The following ANK3 variants were observed in gnomAD, a reference collection of about 807,000 sequenced individuals.
The protein encoded by ANK3 is ankyrin-3.
Under a neutral mutation model 370.9 loss-of-function variants are expected in ANK3, and 57 were observed. That is an observed-to-expected ratio of 0.15 (90% CI 0.12 to 0.19). The LOEUF (loss-of-function observed/expected upper bound fraction) is 0.19, where lower values mean the gene tolerates loss of function less well. Ranked by LOEUF, ANK3 falls within the 10% of genes least tolerant of loss-of-function variation. The probability of loss-of-function intolerance (pLI) is 1.00; values close to 1 mark genes in which losing one functional copy is unlikely to be tolerated. For synonymous variants in ANK3, 1,929 were observed against 1,946.3 expected, an observed-to-expected ratio of 0.99 and a Z score of 0.23; for missense variants, 4,439 against 5,302.1, an observed-to-expected ratio of 0.84 and a Z score of 5.06.
Position 60,329,928 on chromosome 10 carries a change from C to T in ANK3, c.115-50289G>A, listed in dbSNP as rs562720291. 9.2e-5 allele frequency among the ~76,000 whole-genome samples: 14 copies of T among 152,168 alleles called. No individual in the cohort carries two copies. The South Asian group carries it at 2.9e-3, about 32-fold the overall frequency. ...AACCAAAACAGCATGGTACTGGTAC[C>T]AAGACAGATATATAGACCAATGAAA... is the stretch of plus-strand genomic sequence containing the variant. On this transcript the variant is annotated intron_variant, in intron 1 of 43. Transcript: ENST00000280772.
chr10:60,077,697 G>T (rs2084148346), intron 36 of ANK3, among the ~76,000 whole-genome samples: 1 of 152,034 alleles, frequency 6.6e-6, no homozygotes, highest in Admixed American at 6.6e-5. Context: ...GCTATCATGG[G>T]GGACATCTAA....
intron 2 of ANK3, among the ~76,000 whole-genome samples, chr10:60,402,770 C>G (rs2063377958): frequency 6.6e-6 from 1 of 152,142 alleles, no homozygotes; most frequent in African/African-American, 2.4e-5. Flanking sequence ...CAGACAACAG[C>G]CAGCCAAGCC....
chr10:60,423,369 A>T (rs2132956950), intron 2 of ANK3, among the ~76,000 whole-genome samples: 1 of 152,112 alleles, frequency 6.6e-6, no homozygotes. Context: ...TCTTAATACA[A>T]GGTGGAGGTA....
At chr10:60,600,813 G>A (rs962163816) in intron 2 of ANK3, among the ~76,000 whole-genome samples, 1 of 152,070 alleles carries the variant, frequency 6.6e-6, no homozygotes, top group Non-Finnish European at 1.5e-5. Flanking sequence ...TTAGTTACCT[G>A]GATCAAATAA....
chr10:60,275,870 G>A (rs1592903093), intron 4 of ANK3, among the ~76,000 whole-genome samples: 1 of 152,112 alleles, frequency 6.6e-6, no homozygotes, highest in African/African-American at 2.4e-5. Flanking sequence ...AGAAGAGTGG[G>A]GGATGTCATT....
In ANK3 at chr10:60,317,700, T is replaced by C. The variant is rs185618367; in HGVS notation, c.115-38061A>G. 7.5e-4 allele frequency among the ~76,000 whole-genome samples: 111 copies of C among 148,440 alleles called. 2 individuals carry two copies. In the East Asian group the frequency reaches 0.018, roughly 24 times the overall value. On this transcript the variant is annotated intron_variant, in intron 1 of 43. Coordinates refer to ENST00000280772, the MANE Select transcript of ANK3 (RefSeq NM_020987.5). ...TGTAGCTATGGCCCCAAACATCAACTCATGAGATAATTTTTTTTTTTTTTT... is the reference window on the plus strand; with the variant it reads ...TGTAGCTATGGCCCCAAACATCAACCCATGAGATAATTTTTTTTTTTTTTT...
intron 18 of ANK3, among the ~76,000 whole-genome samples, chr10:60,181,103 A>C (rs541257554): frequency 6.6e-6 from 1 of 152,304 alleles, no homozygotes; most frequent in East Asian, 1.9e-4. Context: ...ATATAGGGGG[A>C]AATTACTGTG....
chr10:60,277,087 A>C (rs2098101936), intron 4 of ANK3, among the ~76,000 whole-genome samples: 1 of 152,214 alleles, frequency 6.6e-6, no homozygotes, highest in Non-Finnish European at 1.5e-5. Context: ...ATTTAGAGCA[A>C]ATATACAAGA....
chr10:60,371,314 G>A (rs537301661), intron 1 of ANK3, among the ~76,000 whole-genome samples: 46 of 152,030 alleles, frequency 3.0e-4, no homozygotes, highest in African/African-American at 1.0e-3. Flanking sequence ...CCACAATGAG[G>A]TCCACCTTAT....
chr10:60,094,306 G>A (rs1189908552), intron 28 of ANK3, among the ~76,000 whole-genome samples: 4 of 149,682 alleles, frequency 2.7e-5, no homozygotes, highest in South Asian at 2.1e-4. Flanking sequence ...TCCTGTCTCA[G>A]CCTCCCAAGT....
intron 23 of ANK3, among the ~76,000 whole-genome samples, chr10:60,148,130 G>A (rs1192164231): frequency 1.3e-5 from 2 of 151,840 alleles, no homozygotes; most frequent in Non-Finnish European, 2.9e-5. Context: ...CATTGTAGGT[G>A]GCCAAAAAAG....
chr10:60,039,499 A>G (rs1317077241), intron 43 of ANK3, among the ~76,000 whole-genome samples: 1 of 152,240 alleles, frequency 6.6e-6, no homozygotes, highest in Non-Finnish European at 1.5e-5. Flanking sequence ...CACTGTGTAG[A>G]GTAAGAAGAA....
At chr10:60,570,833 T>C (rs1313070583) in intron 2 of ANK3, among the ~76,000 whole-genome samples, 1 of 151,700 alleles carries the variant, frequency 6.6e-6, no homozygotes, top group Non-Finnish European at 1.5e-5. Flanking sequence ...GCTGGGAAAA[T>C]TTCAAGGTAG....
At chr10:60,141,060 G>C (rs941916769) in intron 23 of ANK3, 1 of 981,044 alleles carries the variant, frequency 1.0e-6, no homozygotes, top group Non-Finnish European at 1.2e-6. Context: ...CTGTCAGGTG[G>C]AAGGAGGGGA....
At chr10:60,573,454 C>T (rs1159111747) in intron 2 of ANK3, among the ~76,000 whole-genome samples, 1 of 152,140 alleles carries the variant, frequency 6.6e-6, no homozygotes, top group East Asian at 1.9e-4. Flanking sequence ...CAGAAACATT[C>T]TGTGCTTCTT....
At chr10:60,585,774 A>G (rs1184240604) in intron 2 of ANK3, among the ~76,000 whole-genome samples, 1 of 152,204 alleles carries the variant, frequency 6.6e-6, no homozygotes, top group African/African-American at 2.4e-5. Context: ...ACGTAATCCC[A>G]GCACTTTGGG....
intron 28 of ANK3, among the ~76,000 whole-genome samples, chr10:60,088,644 C>G (rs935977980): frequency 6.6e-6 from 1 of 152,044 alleles, no homozygotes; most frequent in African/African-American, 2.4e-5. Context: ...AGGATGGTCT[C>G]GAACTCGCGA....
rs1049679124 is a variant in ANK3, at chr10:60,607,841, A to G, written c.96+7345T>C. Among the ~76,000 whole-genome samples, 34 of 152,200 alleles carry G rather than the reference A, an allele frequency of 2.2e-4. 1 individual carries two copies. Among genetic ancestry groups the G allele is most frequent in the Admixed American group, 1.4e-3 (22 of 15,264 alleles). ...GTAGCCAAGAGTGAGGCTGTACCCA[A>G]AAACCAGAGAATGGTCACAGAGAGA... On this transcript the variant is annotated intron_variant, in intron 2 of 43. Coordinates refer to the ANK3 transcript ENST00000373827.
chr10:60,445,383 C>T (rs551401851), intron 2 of ANK3, among the ~76,000 whole-genome samples: 3 of 152,060 alleles, frequency 2.0e-5, no homozygotes, highest in East Asian at 3.9e-4. Flanking sequence ...GAGCAAGACC[C>T]TGTGCCAAAA....
Sources: gnomAD v4.1 joint callset for allele counts (sites outside exome capture counted in the v4.1 genomes callset) on GRCh38, gnomAD v4.1.1 for gene constraint, MANE v1.5 for transcripts, NCBI Gene and HGNC (gene_info 2026-07-23, HGNC 2026-07-21) for gene names.